The following TOX variants were observed in gnomAD, a reference collection of about 807,000 sequenced individuals.
TOX encodes thymocyte selection-associated high mobility group box protein TOX.
Under a neutral mutation model 53.7 loss-of-function variants are expected in TOX, and 11 were observed. The ratio of observed to expected loss-of-function variants is 0.20; its 90% CI spans 0.13 to 0.34. The LOEUF (loss-of-function observed/expected upper bound fraction) is 0.34, where lower values mean the gene tolerates loss of function less well. Ranked by LOEUF, TOX falls within the 10% of genes least tolerant of loss-of-function variation. TOX has a pLI of 1.00. For missense variants in TOX, 570 were observed against 664.6 expected (o/e 0.86, Z 1.56); for synonymous variants, 225 against 245.3 (o/e 0.92, Z 0.77).
intron 3 of TOX, among the ~76,000 whole-genome samples, chr8:58,859,525 A>G (rs1810972307): frequency 1.3e-5 from 2 of 152,208 alleles, no homozygotes; most frequent in Non-Finnish European, 2.9e-5. Flanking sequence ...GTAATTAGTC[A>G]TTATAAAACA....
intron 3 of TOX, among the ~76,000 whole-genome samples, chr8:58,934,514 A>T (rs571902104): frequency 6.6e-6 from 1 of 152,316 alleles, no homozygotes; most frequent in East Asian, 1.9e-4. Flanking sequence ...CTGAGGCACA[A>T]AAAGTTACTC....
intron 1 of TOX, among the ~76,000 whole-genome samples, chr8:59,068,764 A>C (rs1804140910): frequency 6.6e-6 from 1 of 152,162 alleles, no homozygotes; most frequent in South Asian, 2.1e-4. Context: ...TTGATTGTGG[A>C]GCCTAGGTTT....
chr8:59,090,719 C>T (rs1023925722), intron 1 of TOX, among the ~76,000 whole-genome samples: 2 of 152,088 alleles, frequency 1.3e-5, no homozygotes, highest in South Asian at 4.2e-4. Context: ...AGCAACTGTT[C>T]CAGATCTTCA....
intron 1 of TOX, among the ~76,000 whole-genome samples, chr8:59,083,024 C>A (rs192682025): frequency 2.0e-5 from 3 of 152,124 alleles, no homozygotes. Context: ...GGATTTCTGT[C>A]GTGAGGGAGT....
intron 2 of TOX, among the ~76,000 whole-genome samples, chr8:58,944,419 C>A (rs576520607): frequency 6.6e-6 from 1 of 152,270 alleles, no homozygotes; most frequent in Non-Finnish European, 1.5e-5. Flanking sequence ...TTTCTTAAAA[C>A]CTTAAAATTT....
intron 1 of TOX, among the ~76,000 whole-genome samples, chr8:59,031,374 C>T (rs1411183633): frequency 1.3e-5 from 2 of 152,220 alleles, no homozygotes; most frequent in African/African-American, 4.8e-5. Flanking sequence ...ACTGGGCATA[C>T]ATCAACCATT....
chr8:59,058,328 T>G (rs1484078814), intron 1 of TOX, among the ~76,000 whole-genome samples: 1 of 152,130 alleles, frequency 6.6e-6, no homozygotes, highest in Non-Finnish European at 1.5e-5. Context: ...ACGTATATAT[T>G]TCAGGACTAT....
At chr8:58,939,594 T>C in intron 2 of TOX, 50 bp from the exon 3 acceptor site, 6 of 1,552,526 alleles carry the variant, frequency 3.9e-6, no homozygotes, top group East Asian at 2.3e-5. Flanking sequence ...CTTCTTGCTC[T>C]TCATCATCAT....
intron 1 of TOX, among the ~76,000 whole-genome samples, chr8:59,059,898 T>C (rs1803949729): frequency 7.5e-6 from 1 of 132,754 alleles, no homozygotes; most frequent in Admixed American, 7.7e-5. Flanking sequence ...ACCTTTTATG[T>C]TATGTTGTAA....
At chr8:58,884,841 C>T (rs904930086) in intron 3 of TOX, among the ~76,000 whole-genome samples, 3 of 152,104 alleles carry the variant, frequency 2.0e-5, no homozygotes, top group African/African-American at 7.2e-5. Flanking sequence ...CAATCACTTC[C>T]TTAATATTAT....
Position 58,815,604 on chromosome 8 carries a change from G to A in TOX, c.1126C>T (p.His376Tyr), listed in dbSNP as rs752579789. 1.9e-6 allele frequency: 3 copies of A among 1,614,186 alleles called. No individual in the cohort carries two copies. Among genetic ancestry groups the A allele is most frequent in the South Asian group, 1.1e-5 (1 of 91,080 alleles). ...TGAGGATTCATTCCCGGTTGTTGGT[G>A]ATAGTGGGAACTTAGGTACAGGGCC... is the stretch of plus-strand genomic sequence containing the variant. ...HSALYLSSHY[H>Y]QQPGMNPHLT... Residue 376 changes from histidine (H) to tyrosine (Y), a missense_variant, in exon 7 of 9, where the codon CAC becomes TAC. Coordinates refer to ENST00000361421, the MANE Select transcript of TOX (RefSeq NM_014729.3).
At chr8:59,072,592 T>C (rs1804216485) in intron 1 of TOX, among the ~76,000 whole-genome samples, 1 of 152,200 alleles carries the variant, frequency 6.6e-6, no homozygotes, top group Non-Finnish European at 1.5e-5. Context: ...CCCCTGAACA[T>C]AGCCACGTAG....
intron 1 of TOX, among the ~76,000 whole-genome samples, chr8:59,112,932 A>G (rs996920108): frequency 2.6e-5 from 4 of 152,228 alleles, no homozygotes; most frequent in Non-Finnish European, 5.9e-5. Flanking sequence ...AACTCATGAT[A>G]ATTACATTTT....
chr8:58,891,551 C>T (rs1379099503), intron 3 of TOX, among the ~76,000 whole-genome samples: 1 of 152,042 alleles, frequency 6.6e-6, no homozygotes, highest in Non-Finnish European at 1.5e-5. Flanking sequence ...GAGGGAGGTA[C>T]CACCCTCCCC....
intron 4 of TOX, among the ~76,000 whole-genome samples, chr8:58,843,047 G>C: frequency 6.6e-6 from 1 of 152,188 alleles, no homozygotes; most frequent in East Asian, 1.9e-4. Context: ...TTGAGTACCT[G>C]AGAGGCACTA....
chr8:59,016,582 T>A (rs1225076151), intron 1 of TOX, among the ~76,000 whole-genome samples: 1 of 152,242 alleles, frequency 6.6e-6, no homozygotes, highest in Non-Finnish European at 1.5e-5. Flanking sequence ...TATTACCATG[T>A]AAAACTGCTA....
rs1160660943 is a variant in TOX at position 58,966,369 on chromosome 8, G to C, written c.103-6361C>G. ...GAGTTACTCTGCTAGTGCTTTTTATGGATGTGCATTCCAACTCAGGAGCAC... is the reference window on the plus strand; with the variant it reads ...GAGTTACTCTGCTAGTGCTTTTTATCGATGTGCATTCCAACTCAGGAGCAC... On this transcript the variant is annotated intron_variant, in intron 1 of 8. Transcript: ENST00000361421. Among the ~76,000 whole-genome samples the C allele has an allele frequency of 2.6e-5, 4 of 152,164 alleles. No homozygotes were observed. The East Asian group carries it at 7.7e-4, about 29-fold the overall frequency.
chr8:58,894,112 T>A lies in TOX; in HGVS notation c.412-42307A>T, dbSNP rs146870469. Among the ~76,000 whole-genome samples, 245 of 152,334 alleles carry A rather than the reference T, an allele frequency of 1.6e-3. 2 individuals carry two copies. The highest frequency in any genetic ancestry group is 5.7e-3 in the African/African-American group (235 of 41,576). ...TAACTGTGTTCAAAATCATATCCAA[T>A]TGCACTCGTGTGCTTTGAAATAATA... On this transcript the variant is annotated intron_variant, in intron 3 of 8. Coordinates refer to ENST00000361421, the MANE Select transcript of TOX (RefSeq NM_014729.3).
At chr8:58,825,584 A>G (rs932970849) in intron 6 of TOX, among the ~76,000 whole-genome samples, 6 of 152,316 alleles carry the variant, frequency 3.9e-5, no homozygotes, top group Non-Finnish European at 8.8e-5. Context: ...TCCTGTGTAA[A>G]GTGCTCTGAC....
Sources: gnomAD v4.1 joint callset for allele counts (sites outside exome capture counted in the v4.1 genomes callset) on GRCh38, gnomAD v4.1.1 for gene constraint, MANE v1.5 for transcripts, NCBI Gene and HGNC (gene_info 2026-07-23, HGNC 2026-07-21) for gene names.